ASB11: variants seen among roughly 807,000 people sequenced by gnomAD.
ASB11 encodes the protein ankyrin repeat and SOCS box containing 11.
Under a neutral mutation model 20.1 loss-of-function variants are expected in ASB11, and 17 were observed. That is an observed-to-expected ratio of 0.85 (90% confidence interval 0.58 to 1.27). ASB11 has a LOEUF of 1.27. Among genes scored for constraint, ASB11 ranks in the 50% most tolerant of loss-of-function variants. The pLI is 0.00. For synonymous variants in ASB11, 107 were observed against 105.6 expected (o/e 1.01, Z -0.08); for missense variants, 259 against 256.9 (o/e 1.01, Z -0.06).
intron 6 of ASB11, among the ~76,000 whole-genome samples, chrX:15,286,697 G>A (rs75385762): frequency 1.9e-5 from 2 of 104,362 alleles, no homozygotes; most frequent in African/African-American, 7.2e-5. Flanking sequence ...TGCACACTCT[G>A]GGGTCAGATG....
Position 15,293,285 on chromosome X carries a change from GA to G in ASB11, c.404del (p.Leu135ProfsTer37), listed in dbSNP as rs1260418452. On this transcript the variant is annotated frameshift_variant, in exon 4 of 7. Transcript: ENST00000480796. LOFTEE classifies it high-confidence loss of function. ...CACTGCCGCTGCAGCAAGCATTGAA[GA>G]GGGGTGTGGCTCCGTGAACTGTCAC... ...NGVTVHGATP[L>X]FNACCSGSAA... The G allele has an allele frequency of 5.8e-6, 7 of 1,211,318 alleles. No individual in the cohort carries two copies. Among genetic ancestry groups the G allele is most frequent in the Non-Finnish European group, 7.8e-6 (7 of 895,264 alleles).
At chrX:15,311,446 C>T (rs190165004) in intron 1 of ASB11, among the ~76,000 whole-genome samples, 22 of 112,129 alleles carry the variant, frequency 2.0e-4, no homozygotes, top group African/African-American at 7.1e-4. Context: ...TGGAGACAAC[C>T]AGCAAAACTA....
In ASB11 at chrX:15,282,065, C is replaced by T. The variant is rs920328892; in HGVS notation, c.*1440G>A. On this transcript the variant is annotated 3_prime_UTR_variant, in exon 7 of 7. Coordinates refer to ENST00000480796, the MANE Select transcript of ASB11 (RefSeq NM_080873.3). ...GATTAGCTGCATCCCTGATCTCCAC[C>T]GTCTAGATGATAGTAGCAATTCTCC... 2 of 110,979 alleles carry T rather than the reference C, an allele frequency of 1.8e-5. No homozygotes were observed. Among genetic ancestry groups the T allele is most frequent in the African/African-American group, 6.6e-5 (2 of 30,493 alleles). 9.1% of individuals were successfully genotyped at this position (110,979 alleles called of 1,213,427 possible). A position where few individuals can be genotyped will look rare whatever the true frequency, so the allele number is the denominator to read the frequency against.
chrX:15,287,876 G>T lies in ASB11; in HGVS notation c.847+5C>A, dbSNP rs1305838553. ...AAGAGGAATGGATACCCAGCCCTTG[G>T]TTACCTTCACGGAGCAAGAGTGCCT... is the stretch of plus-strand genomic sequence containing the variant. On this transcript the variant is annotated splice_donor_5th_base_variant and intron_variant, in intron 6 of 6. Transcript: ENST00000480796. 1.0e-5 allele frequency: 12 copies of T among 1,195,806 alleles called. No homozygotes were observed. Among genetic ancestry groups the T allele is most frequent in the Admixed American group, 2.2e-5 (1 of 44,764 alleles).
rs751433388 is a variant in ASB11, at chrX:15,283,580, G to C, written c.897C>G (p.Leu299=). The change falls in exon 7 of 7, where the codon CTC becomes CTG. Residue 299 remains leucine (L), a synonymous_variant. Coordinates refer to ENST00000480796, the MANE Select transcript of ASB11 (RefSeq NM_080873.3). ...QLCRLCVRKC[L]GRACHQAIHK... is the part of the protein sequence containing the mutation. ...GGATGGCTTGATGACATGCTCGACC[G>C]AGACACTTCCGGACACACAGGCGGC... 2 of 1,207,466 alleles carry C rather than the reference G, an allele frequency of 1.7e-6. No individual in the cohort carries two copies. The highest frequency in any genetic ancestry group is 2.2e-6 in the Non-Finnish European group (2 of 893,751).
At chrX:15,291,050 A>G (rs987048877) in intron 4 of ASB11, among the ~76,000 whole-genome samples, 4 of 111,815 alleles carry the variant, frequency 3.6e-5, no homozygotes, top group Admixed American at 2.9e-4. Flanking sequence ...AACAAGAAAC[A>G]GCCTAGTTTG....
intron 1 of ASB11, among the ~76,000 whole-genome samples, chrX:15,305,351 C>A (rs181281079): frequency 9.0e-6 from 1 of 111,653 alleles, no homozygotes; most frequent in East Asian, 2.8e-4. Context: ...CCAACCCAAA[C>A]TGAGGGGACA....
In ASB11 at chrX:15,283,772, C is replaced by T. The variant is rs746019983; in HGVS notation, c.848-143G>A. On this transcript the variant is annotated intron_variant, in intron 6 of 6. Transcript: ENST00000480796. ...GTATAGGAACTATAGAATGAGGTAG[C>T]GGACACTAAATACAGACAGCAGATC... 2.2e-4 allele frequency: 144 copies of T among 657,298 alleles called. 1 individual carries two copies. The South Asian group carries it at 3.7e-3, about 17-fold the overall frequency. 54.2% of individuals were successfully genotyped at this position (657,298 alleles called of 1,213,427 possible).
intron 1 of ASB11, among the ~76,000 whole-genome samples, chrX:15,303,932 A>G (rs140259454): frequency 7.0e-4 from 79 of 112,649 alleles, no homozygotes; most frequent in African/African-American, 2.5e-3. Flanking sequence ...AAACAAGACT[A>G]ACTAGTTTAA....
chrX:15,307,550 C>T (rs1188417911), intron 1 of ASB11, among the ~76,000 whole-genome samples: 1 of 112,302 alleles, frequency 8.9e-6, no homozygotes, highest in African/African-American at 3.2e-5. Context: ...GAAGGCGGAG[C>T]TCAAGCAGTA....
At chrX:15,284,230 C>G (rs1237584356) in intron 6 of ASB11, among the ~76,000 whole-genome samples, 1 of 90,150 alleles carries the variant, frequency 1.1e-5, no homozygotes, top group Non-Finnish European at 2.1e-5. Flanking sequence ...CCAGCCTGGG[C>G]GACAGAGCGA....
At position 15,283,452 on chromosome X, in the gene ASB11, A is replaced by G; in HGVS notation, c.*53T>C. 8.4e-7 allele frequency: 1 copy of G among 1,194,439 alleles called. No individual in the cohort carries two copies. The highest frequency in any genetic ancestry group is 1.1e-6 in the Non-Finnish European group (1 of 880,322). On this transcript the variant is annotated 3_prime_UTR_variant, in exon 7 of 7. Coordinates refer to ENST00000480796, the MANE Select transcript of ASB11 (RefSeq NM_080873.3). The stretch of plus-strand genomic sequence containing the variant: ...AGCTTCTACATTAGGTACTCTAGGT[A>G]CAGCAGACAACAATCTGTGTCATTC...
intron 4 of ASB11, among the ~76,000 whole-genome samples, chrX:15,291,754 T>C (rs1248800765): frequency 2.8e-5 from 3 of 107,997 alleles, no homozygotes; most frequent in African/African-American, 1.0e-4. Flanking sequence ...AAGACTTATA[T>C]GGCTGAGCAC....
At chrX:15,309,911 T>C (rs1921367448) in intron 1 of ASB11, among the ~76,000 whole-genome samples, 1 of 88,324 alleles carries the variant, frequency 1.1e-5, no homozygotes, top group African/African-American at 4.5e-5. Context: ...GAGCTCGCAG[T>C]GAGCCGAGAT....
intron 1 of ASB11, among the ~76,000 whole-genome samples, chrX:15,307,056 T>A (rs1161489323): frequency 8.9e-6 from 1 of 112,315 alleles, no homozygotes; most frequent in Admixed American, 9.4e-5. Context: ...AAGTATTCCA[T>A]TTAAAAATAA....
rs138555157 is a variant in ASB11 at position 15,299,929 on chromosome X, G to A, written c.262-2248C>T. Among the ~76,000 whole-genome samples, 699 of 111,003 alleles carry A rather than the reference G, an allele frequency of 6.3e-3. 10 individuals carry two copies. The highest frequency in any genetic ancestry group is 0.022 in the African/African-American group (676 of 30,499). ...AGATCTCTGGCTGCATCCTTGCTGT[G>A]GCCAGCAGCTGTGATTTCCCAGAAT... On this transcript the variant is annotated intron_variant, in intron 2 of 6. Transcript: ENST00000480796.
intron 3 of ASB11, among the ~76,000 whole-genome samples, chrX:15,294,535 A>G (rs1288171430): frequency 9.1e-6 from 1 of 110,006 alleles, no homozygotes; most frequent in Non-Finnish European, 1.9e-5. Context: ...CATGACCCAC[A>G]AATTTAGAAA....
At chrX:15,298,214 C>G (rs954336652) in intron 2 of ASB11, among the ~76,000 whole-genome samples, 2 of 111,692 alleles carry the variant, frequency 1.8e-5, no homozygotes, top group Non-Finnish European at 3.8e-5. Context: ...GTAAGAAAAA[C>G]CTTGCAAATG....
In ASB11 at chrX:15,297,627, A is replaced by G. The variant is rs767895073; in HGVS notation, c.316T>C (p.Cys106Arg). 4 of 1,210,185 alleles carry G rather than the reference A, an allele frequency of 3.3e-6. 1 individual carries two copies. The South Asian group carries it at 7.1e-5, about 21-fold the overall frequency. ...INRVSSLHEA[C>R]LGGHVACAKA... The stretch of plus-strand genomic sequence containing the variant: ...GCACAGGCCACGTGACCTCCAAGGC[A>G]TGCCTCGTGGAGAGAAGACACCCGG... The change falls in exon 3 of 7, where the codon TGC becomes CGC. Residue 106 changes from cysteine to arginine, a missense_variant. Coordinates refer to ENST00000480796, the MANE Select transcript of ASB11 (RefSeq NM_080873.3).
Sources: gnomAD v4.1 joint callset for allele counts (sites outside exome capture counted in the v4.1 genomes callset) on GRCh38, gnomAD v4.1.1 for gene constraint, MANE v1.5 for transcripts, NCBI Gene and HGNC (gene_info 2026-07-23, HGNC 2026-07-21) for gene names.